The following NTNG2 variants were observed in gnomAD, a reference collection of about 807,000 sequenced individuals.
NTNG2 encodes netrin-G2.
In NTNG2, 15 loss-of-function variants were observed where a neutral mutation model predicts 47.6. The observed-to-expected ratio is 0.32, with a 90% confidence interval of 0.21 to 0.49. The LOEUF is 0.49. Ranked by LOEUF, NTNG2 falls within the 20% of genes least tolerant of loss-of-function variation. NTNG2 has a pLI of 0.99. For synonymous variants in NTNG2, 307 were observed against 324.6 expected (o/e 0.95, Z 0.58); for missense variants, 578 against 764.6 (o/e 0.76, Z 2.88).
chr9:132,209,708 A>C (rs1222486993), intron 3 of NTNG2, among the ~76,000 whole-genome samples: 1 of 152,146 alleles, frequency 6.6e-6, no homozygotes, highest in Non-Finnish European at 1.5e-5. Context: ...GGTGAATGCC[A>C]ACACTTTTAA....
intron 4 of NTNG2, among the ~76,000 whole-genome samples, chr9:132,230,094 A>G (rs1841082281): frequency 6.6e-6 from 1 of 152,240 alleles, no homozygotes. Context: ...CGTGCCTGGC[A>G]CGTGGGACGC....
Position 132,162,911 on chromosome 9 carries a change from G to A in NTNG2, c.-484+672G>A, listed in dbSNP as rs943319028. ...GAACTGAGCGGCGCGCAGGTGGGGG[G>A]AGCAGAGGCGGCGGGAAGGCGGGAA... is the stretch of plus-strand genomic sequence containing the variant. On this transcript the variant is annotated intron_variant, in intron 1 of 7. Coordinates refer to ENST00000393229, the MANE Select transcript of NTNG2 (RefSeq NM_032536.4). This position sits in a 1 kb window ranked among gnomAD's most constrained non-coding sequence, Gnocchi z 4.6. Among the ~76,000 whole-genome samples the A allele has an allele frequency of 1.3e-5, 2 of 152,230 alleles. No homozygotes were observed. The highest frequency in any genetic ancestry group is 4.8e-5 in the African/African-American group (2 of 41,550).
At chr9:132,195,721 C>T (rs36119694) in intron 2 of NTNG2, among the ~76,000 whole-genome samples, 3,541 of 152,170 alleles carry the variant, frequency 0.023, 71 homozygotes, top group Middle Eastern at 0.037. Flanking sequence ...CCTCAAACTC[C>T]TGGGCTCAAG....
rs1835271553 is a variant in NTNG2 at position 132,163,688 on chromosome 9, CCCG to C, written c.-484+1454_-484+1456del. 6.6e-6 allele frequency among the ~76,000 whole-genome samples: 1 copy of C among 152,228 alleles called. No individual in the cohort carries two copies. ...CTCCCGTGCCCCCAGGGGCCCCGCG[CCCG>C]CCGCGGCAAGTTTCCCACACGGCGA... On this transcript the variant is annotated intron_variant, in intron 1 of 7. Transcript: ENST00000393229. This position sits in a 1 kb window ranked among gnomAD's most constrained non-coding sequence, Gnocchi z 7.2.
At chr9:132,212,753 G>A (rs765782038) in intron 3 of NTNG2, among the ~76,000 whole-genome samples, 37 of 152,214 alleles carry the variant, frequency 2.4e-4, no homozygotes, top group Non-Finnish European at 1.9e-4. Flanking sequence ...TTAGCTAGAA[G>A]TGCAGTTTGC....
In NTNG2 at chr9:132,182,423, G is replaced by A. The variant is rs762722526; in HGVS notation, c.213+15379G>A. Among the ~76,000 whole-genome samples, 6 of 152,170 alleles carry A rather than the reference G, an allele frequency of 3.9e-5. No individual in the cohort carries two copies. Among genetic ancestry groups the A allele is most frequent in the Non-Finnish European group, 7.4e-5 (5 of 68,018 alleles). On this transcript the variant is annotated intron_variant, in intron 2 of 7. Transcript: ENST00000393229. The surrounding 1 kb of genome is among the most constrained non-coding windows in gnomAD (Gnocchi z 4.2). The stretch of plus-strand genomic sequence containing the variant: ...TCCCCTCCCCTGCACTGGGTTGGCC[G>A]CCTCTCAGCCTAGAGGAGGGGCACT...
intron 3 of NTNG2, among the ~76,000 whole-genome samples, chr9:132,209,432 G>A (rs958963389): frequency 1.3e-5 from 2 of 152,242 alleles, no homozygotes; most frequent in Admixed American, 6.5e-5. Flanking sequence ...CCGTGGGGGC[G>A]TGCGAGACTT....
Position 132,218,088 on chromosome 9 carries a change from A to T in NTNG2, c.858-8761A>T, listed in dbSNP as rs991183418. Among the ~76,000 whole-genome samples the T allele has an allele frequency of 6.6e-6, 1 of 152,218 alleles. No individual in the cohort carries two copies. The highest frequency in any genetic ancestry group is 1.5e-5 in the Non-Finnish European group (1 of 68,032). On this transcript the variant is annotated intron_variant, in intron 3 of 7. Coordinates refer to ENST00000393229, the MANE Select transcript of NTNG2 (RefSeq NM_032536.4). This position sits in a 1 kb window ranked among gnomAD's most constrained non-coding sequence, Gnocchi z 5.4. Reference sequence around the variant, plus strand: ...GAGAAAAGCGAGACTCAGGTTGGCTAAGAATTTGTGCAGGCCACACAGCTG... The same window carrying T: ...GAGAAAAGCGAGACTCAGGTTGGCTTAGAATTTGTGCAGGCCACACAGCTG...
Position 132,226,936 on chromosome 9 carries a change from C to T in NTNG2, c.945C>T (p.Asp315=). ...CECEHNTTGP[D]CGKCKKNFRT... The stretch of plus-strand genomic sequence containing the variant: ...GCGAGCACAACACCACCGGCCCCGA[C>T]TGCGGCAAGTGCAAGAAGAATTTCC... The change falls in exon 4 of 8, where the codon GAC becomes GAT. Residue 315 remains aspartate, a synonymous_variant. Coordinates refer to ENST00000393229, the MANE Select transcript of NTNG2 (RefSeq NM_032536.4). This position sits in a 1 kb window ranked among gnomAD's most constrained non-coding sequence, Gnocchi z 4.8. 1 of 1,613,022 alleles carries T rather than the reference C, an allele frequency of 6.2e-7. No individual in the cohort carries two copies. The highest frequency in any genetic ancestry group is 8.5e-7 in the Non-Finnish European group (1 of 1,179,856).
At position 132,180,184 on chromosome 9, in the gene NTNG2, G is replaced by C. The variant is rs958424431; in HGVS notation, c.213+13140G>C. Among the ~76,000 whole-genome samples, 4 of 152,222 alleles carry C rather than the reference G, an allele frequency of 2.6e-5. No individual in the cohort carries two copies. The highest frequency in any genetic ancestry group is 5.9e-5 in the Non-Finnish European group (4 of 68,032). ...CACTTGACTCCAAGAGTCGGCTGGG[G>C]AAATAAAAGGAAATGAAACACGACC... On this transcript the variant is annotated intron_variant, in intron 2 of 7. Coordinates refer to ENST00000393229, the MANE Select transcript of NTNG2 (RefSeq NM_032536.4). This position sits in a 1 kb window ranked among gnomAD's most constrained non-coding sequence, Gnocchi z 4.2.
chr9:132,200,217 G>A (rs1838639985), intron 3 of NTNG2, among the ~76,000 whole-genome samples: 2 of 152,218 alleles, frequency 1.3e-5, no homozygotes, highest in African/African-American at 4.8e-5. Flanking sequence ...CGGGCTGAGG[G>A]AGGAGAGAGT....
intron 5 of NTNG2, 151 bp from the exon 6 acceptor site, chr9:132,238,952 AG>A: frequency 1.3e-6 from 1 of 742,394 alleles, no homozygotes. Flanking sequence ...ATCCGATGGA[AG>A]GGTGGGAGGC....
intron 7 of NTNG2, chr9:132,241,407 G>C (rs913989450): frequency 3.5e-5 from 13 of 366,620 alleles, no homozygotes; most frequent in Non-Finnish European, 6.0e-5. Context: ...GGGCCGAGGG[G>C]CGGGTCCAAG....
At chr9:132,169,000 G>A (rs1474737077) in intron 2 of NTNG2, among the ~76,000 whole-genome samples, 1 of 152,172 alleles carries the variant, frequency 6.6e-6, no homozygotes, top group Non-Finnish European at 1.5e-5. Flanking sequence ...AGAACCCAGT[G>A]CAGTGGGCGG....
At chr9:132,201,073 AG>A (rs1838708325) in intron 3 of NTNG2, among the ~76,000 whole-genome samples, 1 of 152,244 alleles carries the variant, frequency 6.6e-6, no homozygotes, top group South Asian at 2.1e-4. Context: ...CAACTGTTCA[AG>A]GACCCTGCCT....
intron 3 of NTNG2, among the ~76,000 whole-genome samples, chr9:132,212,689 C>T (rs1839677729): frequency 6.6e-6 from 1 of 152,176 alleles, no homozygotes; most frequent in Non-Finnish European, 1.5e-5. Flanking sequence ...CCAAGTTCTC[C>T]AGCATCCAAC....
chr9:132,240,612 C>T (rs971083150), intron 6 of NTNG2: 2 of 515,522 alleles, frequency 3.9e-6, no homozygotes, highest in Non-Finnish European at 7.0e-6. Flanking sequence ...AGGACAGCGA[C>T]CCCTCTAGTT....
At chr9:132,224,006 C>G (rs1206372822) in intron 3 of NTNG2, among the ~76,000 whole-genome samples, 1 of 152,156 alleles carries the variant, frequency 6.6e-6, no homozygotes, top group Non-Finnish European at 1.5e-5. Context: ...AGGTTCTCCC[C>G]TTCTGGCCCG....
At position 132,215,447 on chromosome 9, in the gene NTNG2, G is replaced by A. The variant is rs1041850683; in HGVS notation, c.858-11402G>A. Among the ~76,000 whole-genome samples the A allele has an allele frequency of 2.0e-5, 3 of 150,888 alleles. No homozygotes were observed. The highest frequency in any genetic ancestry group is 4.4e-5 in the Non-Finnish European group (3 of 67,844). On this transcript the variant is annotated intron_variant, in intron 3 of 7. Transcript: ENST00000393229. The surrounding 1 kb of genome is among the most constrained non-coding windows in gnomAD (Gnocchi z 4.2). Reference sequence around the variant, plus strand: ...ATACTAAAATTAGCCGGGTGTGGTGGCGGGCGCCTGTAATCCCAGCTACTC... The same window carrying A: ...ATACTAAAATTAGCCGGGTGTGGTGACGGGCGCCTGTAATCCCAGCTACTC...
Sources: gnomAD v4.1 joint callset for allele counts (sites outside exome capture counted in the v4.1 genomes callset) on GRCh38, gnomAD v4.1.1 for gene constraint, Gnocchi (gnomAD v3.1) non-coding constraint, MANE v1.5 for transcripts, NCBI Gene and HGNC (gene_info 2026-07-23, HGNC 2026-07-21) for gene names.